Variants in DOCK2 observed in about 807,000 individuals in gnomAD.
DOCK2 encodes the protein dedicator of cytokinesis 2, also known as dedicator of cytokinesis protein 2.
DOCK2 carries 87 observed loss-of-function variants against 248.9 expected under a neutral mutation model. That is an observed-to-expected ratio of 0.35 (90% confidence interval 0.29 to 0.42). The LOEUF is 0.42. Among genes scored for constraint, DOCK2 ranks in the 10% least tolerant of loss-of-function variants. The probability of loss-of-function intolerance (pLI) is 1.00; values close to 1 mark genes in which losing one functional copy is unlikely to be tolerated. For missense variants in DOCK2, 1,747 were observed against 2,300.2 expected, an observed-to-expected ratio of 0.76 and a Z score of 4.92; for synonymous variants, 805 against 821.6, an observed-to-expected ratio of 0.98 and a Z score of 0.35.
At chr5:170,012,170 A>AT (rs1389118753) in intron 32 of DOCK2, among the ~76,000 whole-genome samples, 3 of 152,068 alleles carry the variant, frequency 2.0e-5, no homozygotes, top group Middle Eastern at 3.2e-3. Flanking sequence ...CTTACAAATA[A>AT]TTTTTTTCAA....
chr5:169,651,313 G>A (rs1188747136), intron 1 of DOCK2, among the ~76,000 whole-genome samples: 1 of 152,198 alleles, frequency 6.6e-6, no homozygotes, highest in African/African-American at 2.4e-5. Flanking sequence ...TTTCATTTTT[G>A]TAATCAGTGA....
intron 25 of DOCK2, among the ~76,000 whole-genome samples, chr5:169,799,331 G>A (rs1192504072): frequency 6.6e-6 from 1 of 152,030 alleles, no homozygotes; most frequent in Non-Finnish European, 1.5e-5. Context: ...TCTTCTGGTT[G>A]GGCTTAATTA....
intron 34 of DOCK2, among the ~76,000 whole-genome samples, chr5:170,032,872 A>T (rs1756189779): frequency 6.6e-6 from 1 of 152,098 alleles, no homozygotes; most frequent in Non-Finnish European, 1.5e-5. Context: ...GGAGAGTTTC[A>T]GTTCCATGGG....
chr5:169,813,307 T>A (rs1767870159), intron 26 of DOCK2, among the ~76,000 whole-genome samples: 1 of 152,232 alleles, frequency 6.6e-6, no homozygotes, highest in African/African-American at 2.4e-5. Context: ...GCTGGCTCCA[T>A]TTTATTTTTA....
intron 33 of DOCK2, among the ~76,000 whole-genome samples, chr5:170,025,325 A>T (rs535558959): frequency 6.6e-6 from 1 of 152,330 alleles, no homozygotes; most frequent in African/African-American, 2.4e-5. Flanking sequence ...CAATTTGTGT[A>T]TGTGTTGTCT....
At chr5:169,762,277 A>G (rs1764531503) in intron 25 of DOCK2, among the ~76,000 whole-genome samples, 1 of 152,116 alleles carries the variant, frequency 6.6e-6, no homozygotes, top group African/African-American at 2.4e-5. Context: ...TCAATTACGT[A>G]TATGCTATAT....
At chr5:169,954,919 G>A (rs905287292) in intron 27 of DOCK2, among the ~76,000 whole-genome samples, 18 of 152,180 alleles carry the variant, frequency 1.2e-4, no homozygotes, top group African/African-American at 4.3e-4. Flanking sequence ...ATGAGCAGAC[G>A]TTTTCACCAG....
intron 22 of DOCK2, among the ~76,000 whole-genome samples, chr5:169,739,955 A>C (rs1362887619): frequency 2.0e-5 from 3 of 152,252 alleles, no homozygotes; most frequent in Non-Finnish European, 4.4e-5. Context: ...ATCCTTAGGA[A>C]TATTGTTTTG....
chr5:169,673,651 T>C (rs1759167884), intron 5 of DOCK2, among the ~76,000 whole-genome samples: 1 of 152,154 alleles, frequency 6.6e-6, no homozygotes, highest in African/African-American at 2.4e-5. Flanking sequence ...CTCCGGAACA[T>C]GCTTGCTATT....
rs1281812557 is a variant in DOCK2 at position 169,695,794 on chromosome 5, TC to T, written c.844-3del. The T allele has an allele frequency of 2.5e-6, 4 of 1,612,354 alleles. No homozygotes were observed. The African/African-American group carries it at 4.0e-5, about 16-fold the overall frequency. ...CATGATGGTCAATTTTTTGTTTCTT[TC>T]CCCCCAGGATCTTGGAAACAAAGAC... On this transcript the variant is annotated splice_region_variant and splice_polypyrimidine_tract_variant and intron_variant, in intron 9 of 51. Transcript: ENST00000520908.
intron 46 of DOCK2, among the ~76,000 whole-genome samples, chr5:170,072,633 T>C (rs1030760835): frequency 6.6e-6 from 1 of 152,142 alleles, no homozygotes; most frequent in Non-Finnish European, 1.5e-5. Context: ...CAATTTTCAC[T>C]CCCACACAAC....
chr5:169,957,615 G>T (rs1337703287), intron 27 of DOCK2, among the ~76,000 whole-genome samples: 1 of 152,170 alleles, frequency 6.6e-6, no homozygotes, highest in Non-Finnish European at 1.5e-5. Context: ...ATCACAGAAA[G>T]ACTCATTCCT....
chr5:169,777,349 G>A (rs1765442870), intron 25 of DOCK2, among the ~76,000 whole-genome samples: 1 of 152,160 alleles, frequency 6.6e-6, no homozygotes, highest in Admixed American at 6.5e-5. Context: ...GACGTTCCCT[G>A]CAATACCAAG....
At chr5:170,037,810 T>C (rs1756373896) in intron 36 of DOCK2, among the ~76,000 whole-genome samples, 1 of 152,208 alleles carries the variant, frequency 6.6e-6, no homozygotes, top group African/African-American at 2.4e-5. Context: ...CTTGGACGTA[T>C]ACCTTTATGC....
At position 169,795,211 on chromosome 5, in the gene DOCK2, C is replaced by T. The variant is rs141576491; in HGVS notation, c.2555-7847C>T. Among the ~76,000 whole-genome samples the T allele has an allele frequency of 2.4e-3, 363 of 152,092 alleles. 1 individual carries two copies. Among genetic ancestry groups the T allele is most frequent in the African/African-American group, 8.2e-3 (340 of 41,448 alleles). Reference sequence around the variant, plus strand: ...AAAGCAAGAGCTTGGTTTGGACTTTCGATGGATATCTAGTATAAAGTTCTG... The same window carrying T: ...AAAGCAAGAGCTTGGTTTGGACTTTTGATGGATATCTAGTATAAAGTTCTG... On this transcript the variant is annotated intron_variant, in intron 25 of 51. Transcript: ENST00000520908.
intron 26 of DOCK2, among the ~76,000 whole-genome samples, chr5:169,809,145 T>C (rs1767584855): frequency 6.6e-6 from 1 of 152,110 alleles, no homozygotes; most frequent in Admixed American, 6.5e-5. Flanking sequence ...TGCCAGCCAC[T>C]GCTCCCAGCT....
intron 2 of DOCK2, among the ~76,000 whole-genome samples, chr5:169,661,039 T>A: frequency 6.6e-6 from 1 of 152,196 alleles, no homozygotes; most frequent in East Asian, 1.9e-4. Context: ...CCCAACTTTC[T>A]CTGCATTATT....
chr5:169,870,199 A>G (rs1771864577), intron 27 of DOCK2, among the ~76,000 whole-genome samples: 1 of 152,184 alleles, frequency 6.6e-6, no homozygotes, highest in Non-Finnish European at 1.5e-5. Context: ...AGAGTGAGCT[A>G]TGTGTAAACC....
At position 170,022,204 on chromosome 5, in the gene DOCK2, T is replaced by C. The variant is rs372927461; in HGVS notation, c.3381+3096T>C. On this transcript the variant is annotated intron_variant, in intron 33 of 51. Coordinates refer to ENST00000520908, the MANE Select transcript of DOCK2 (RefSeq NM_004946.3). ...CACCCTTCAGCTGAGGCTTTACTTT[T>C]TGGGAAAGGCTTTCCTGCCTCCTGG... Among the ~76,000 whole-genome samples, 11 of 152,274 alleles carry C rather than the reference T, an allele frequency of 7.2e-5. No homozygotes were observed. The East Asian group carries it at 1.7e-3, about 24-fold the overall frequency.
Sources: gnomAD v4.1 joint callset for allele counts (sites outside exome capture counted in the v4.1 genomes callset) on GRCh38, gnomAD v4.1.1 for gene constraint, MANE v1.5 for transcripts, NCBI Gene and HGNC (gene_info 2026-07-23, HGNC 2026-07-21) for gene names.